Variants in IMPG1 observed in about 807,000 individuals in gnomAD.
The protein encoded by IMPG1 is interphotoreceptor matrix proteoglycan of 150 kDa.
In IMPG1, 85 loss-of-function variants were observed where a neutral mutation model predicts 92.0. The ratio of observed to expected loss-of-function variants is 0.92; its 90% CI spans 0.78 to 1.11. IMPG1 has a LOEUF of 1.11. Ranked by LOEUF, IMPG1 falls within the 50% of genes least tolerant of loss-of-function variation. The pLI is 0.00. For synonymous variants in IMPG1, 367 were observed against 334.1 expected (o/e 1.10, Z -1.08); for missense variants, 1,022 against 956.0 (o/e 1.07, Z -0.91).
intron 12 of IMPG1, among the ~76,000 whole-genome samples, chr6:75,958,491 G>A (rs1314378207): frequency 6.6e-6 from 1 of 152,136 alleles, no homozygotes; most frequent in Non-Finnish European, 1.5e-5. Context: ...TTCCAACTTG[G>A]TTCCATTCGC....
intron 4 of IMPG1, among the ~76,000 whole-genome samples, chr6:76,026,427 A>G (rs1783537410): frequency 2.6e-5 from 4 of 152,110 alleles, no homozygotes; most frequent in Non-Finnish European, 5.9e-5. Flanking sequence ...CCCATACCCC[A>G]TTGCTCCTGG....
At chr6:76,003,055 A>G (rs763772888) in intron 11 of IMPG1, 59 bp from the exon 12 acceptor site, 54 of 1,211,098 alleles carry the variant, frequency 4.5e-5, no homozygotes, top group Non-Finnish European at 6.6e-5. Flanking sequence ...GTATATGAGA[A>G]GGGCTATACC....
intron 1 of IMPG1, among the ~76,000 whole-genome samples, chr6:76,068,605 C>A (rs1784351779): frequency 6.6e-6 from 1 of 151,292 alleles, no homozygotes; most frequent in Non-Finnish European, 1.5e-5. Flanking sequence ...ATTTCCACCC[C>A]TGTTGAGTTC....
intron 4 of IMPG1, among the ~76,000 whole-genome samples, chr6:76,032,390 A>G (rs1251239703): frequency 6.6e-6 from 1 of 152,222 alleles, no homozygotes; most frequent in Non-Finnish European, 1.5e-5. Context: ...TTTTGTGAGC[A>G]AAGGTAATAC....
chr6:75,986,299 G>A (rs1782716999), intron 12 of IMPG1, among the ~76,000 whole-genome samples: 1 of 152,084 alleles, frequency 6.6e-6, no homozygotes, highest in African/African-American at 2.4e-5. Context: ...GAGATTAGGT[G>A]AAGAGGAAGA....
At chr6:76,064,613 G>T (rs1169395928) in intron 1 of IMPG1, among the ~76,000 whole-genome samples, 5 of 152,072 alleles carry the variant, frequency 3.3e-5, no homozygotes, top group Middle Eastern at 3.2e-3. Context: ...TGCCATTGGG[G>T]TATCCAAGGG....
rs984253687 is a variant in IMPG1 at position 76,037,582 on chromosome 6, AAG to A, written c.302-2797_302-2796del. Among the ~76,000 whole-genome samples the A allele has an allele frequency of 8.0e-4, 122 of 152,282 alleles. 1 individual carries two copies. Among genetic ancestry groups the A allele is most frequent in the African/African-American group, 2.5e-3 (106 of 41,572 alleles). Reference sequence around the variant, plus strand: ...GTCAATAGTCTACATAATATACAAGAAGGAAACAACACTTGGATGTTTTCAGA... The same window carrying A: ...GTCAATAGTCTACATAATATACAAGAGAAACAACACTTGGATGTTTTCAGA... On this transcript the variant is annotated intron_variant, in intron 2 of 16. Transcript: ENST00000369950.
chr6:76,060,565 C>T (rs1411798461), intron 1 of IMPG1, among the ~76,000 whole-genome samples: 1 of 152,134 alleles, frequency 6.6e-6, no homozygotes, highest in Non-Finnish European at 1.5e-5. Flanking sequence ...CCTTGGTGCT[C>T]TTGTTTTGTG....
intron 7 of IMPG1, among the ~76,000 whole-genome samples, chr6:76,014,714 C>T (rs1432573097): frequency 6.6e-6 from 1 of 152,154 alleles, no homozygotes; most frequent in African/African-American, 2.4e-5. Flanking sequence ...AACAGTCAAT[C>T]GACCCTGGGA....
chr6:76,044,282 T>C (rs1783894947), intron 1 of IMPG1, among the ~76,000 whole-genome samples: 1 of 152,208 alleles, frequency 6.6e-6, no homozygotes, highest in South Asian at 2.1e-4. Flanking sequence ...AATAAACTTG[T>C]CATAGTAAAA....
intron 15 of IMPG1, among the ~76,000 whole-genome samples, chr6:75,930,303 C>CT (rs1294083738): frequency 6.6e-6 from 1 of 152,028 alleles, no homozygotes; most frequent in Non-Finnish European, 1.5e-5. Context: ...GGGAAACATT[C>CT]TAAGTTAAAA....
chr6:75,942,740 A>G (rs1781855979), intron 14 of IMPG1, among the ~76,000 whole-genome samples: 1 of 152,220 alleles, frequency 6.6e-6, no homozygotes, highest in Non-Finnish European at 1.5e-5. Context: ...CTGAAAAACT[A>G]GGAGCAAAAT....
chr6:76,004,033 T>G (rs1783047178), intron 10 of IMPG1, 83 bp from the exon 11 acceptor site: 4 of 1,001,512 alleles, frequency 4.0e-6, no homozygotes, highest in Admixed American at 2.1e-5. Flanking sequence ...CAGGTTGAAA[T>G]ATGCGGAATA....
intron 1 of IMPG1, among the ~76,000 whole-genome samples, chr6:76,052,618 A>G (rs764339584): frequency 6.6e-6 from 1 of 152,190 alleles, no homozygotes; most frequent in Non-Finnish European, 1.5e-5. Context: ...TAGGATCAAC[A>G]CATTGCTTCT....
chr6:75,925,712 C>T (rs910461225), intron 15 of IMPG1, among the ~76,000 whole-genome samples: 2 of 152,164 alleles, frequency 1.3e-5, no homozygotes, highest in Admixed American at 6.5e-5. Flanking sequence ...GTCACCCAGG[C>T]TGGAGTGCAG....
At chr6:76,004,003 G>A in intron 10 of IMPG1, 53 bp from the exon 11 acceptor site, 2 of 1,395,734 alleles carry the variant, frequency 1.4e-6, no homozygotes, top group Admixed American at 3.5e-5. Context: ...TTCTTTTGTG[G>A]TTGGGACAAT....
intron 12 of IMPG1, among the ~76,000 whole-genome samples, chr6:75,967,410 G>C (rs1782324972): frequency 6.6e-6 from 1 of 152,112 alleles, no homozygotes; most frequent in South Asian, 2.1e-4. Flanking sequence ...CAGAGAGCTA[G>C]CTAGTCTCTT....
At chr6:76,066,533 C>T (rs1423182401) in intron 1 of IMPG1, among the ~76,000 whole-genome samples, 6 of 152,002 alleles carry the variant, frequency 3.9e-5, no homozygotes, top group African/African-American at 1.2e-4. Context: ...ACTACATATG[C>T]ACTCAAAACC....
chr6:76,045,709 G>C (rs1783929206), intron 1 of IMPG1, among the ~76,000 whole-genome samples: 2 of 152,186 alleles, frequency 1.3e-5, no homozygotes, highest in Non-Finnish European at 2.9e-5. Context: ...AGAGCTGATA[G>C]TTGTTGGAGC....
Sources: allele counts gnomAD v4.1 joint callset (sites outside exome capture counted in the v4.1 genomes callset), GRCh38; gene constraint gnomAD v4.1.1; transcripts MANE v1.5; gene names NCBI Gene and HGNC (gene_info 2026-07-23, HGNC 2026-07-21).